Variants in GALK2 observed in about 807,000 individuals in gnomAD.
GALK2 encodes galactokinase 2, also known as N-acetylgalactosamine kinase.
GALK2 carries 36 observed loss-of-function variants against 52.4 expected under a neutral mutation model. That is an observed-to-expected ratio of 0.69 (90% CI 0.53 to 0.91). GALK2 has a LOEUF of 0.91. Among genes scored for constraint, GALK2 ranks in the 40% least tolerant of loss-of-function variants. GALK2 has a pLI of 0.00. For missense variants in GALK2, 579 were observed against 559.1 expected, an observed-to-expected ratio of 1.04 and a Z score of -0.36; for synonymous variants, 176 against 199.1, an observed-to-expected ratio of 0.88 and a Z score of 0.98.
At chr15:49,324,554 CAT>C (rs1411809678) in intron 9 of GALK2, among the ~76,000 whole-genome samples, 25 of 152,112 alleles carry the variant, frequency 1.6e-4, no homozygotes, top group African/African-American at 5.6e-4. Flanking sequence ...CTAAAGTAGA[CAT>C]GTGGGCATAT....
chr15:49,260,325 T>C (rs2092039245), intron 5 of GALK2, among the ~76,000 whole-genome samples: 1 of 152,206 alleles, frequency 6.6e-6, no homozygotes, highest in Admixed American at 6.5e-5. Context: ...ATTCCTCTGA[T>C]GGCCAATTTC....
At chr15:49,180,604 G>A (rs1445484316) in intron 1 of GALK2, among the ~76,000 whole-genome samples, 1 of 152,140 alleles carries the variant, frequency 6.6e-6, no homozygotes, top group African/African-American at 2.4e-5. Flanking sequence ...TCCATTGCCT[G>A]TATGTTAAAA....
At chr15:49,181,430 G>A (rs973932569) in intron 1 of GALK2, among the ~76,000 whole-genome samples, 1 of 150,840 alleles carries the variant, frequency 6.6e-6, no homozygotes, top group African/African-American at 2.4e-5. Flanking sequence ...TAAGGCCAAG[G>A]ATTCTTATTC....
In GALK2 at chr15:49,251,613, G is replaced by T. The variant is rs563281440; in HGVS notation, c.504+12246G>T. Among the ~76,000 whole-genome samples the T allele has an allele frequency of 2.6e-5, 4 of 152,252 alleles. No homozygotes were observed. The South Asian group carries it at 8.3e-4, about 32-fold the overall frequency. ...GTTGTAGAGCAGATCTCTAGAGCTT[G>T]TCCAGCTTGTTTGACTGAAGCTTTA... On this transcript the variant is annotated intron_variant, in intron 5 of 9. Transcript: ENST00000560031.
chr15:49,216,957 G>A (rs2141380491), intron 2 of GALK2, among the ~76,000 whole-genome samples: 1 of 152,172 alleles, frequency 6.6e-6, no homozygotes, highest in Non-Finnish European at 1.5e-5. Context: ...TGATTTTCAG[G>A]TACTCACCTG....
intron 1 of GALK2, among the ~76,000 whole-genome samples, chr15:49,186,157 T>C (rs1462278207): frequency 6.6e-6 from 1 of 152,212 alleles, no homozygotes; most frequent in African/African-American, 2.4e-5. Context: ...TCTCTAGGTT[T>C]ATAAAGTTCT....
intron 5 of GALK2, among the ~76,000 whole-genome samples, chr15:49,260,313 G>A (rs1254827869): frequency 3.3e-5 from 5 of 152,160 alleles, no homozygotes; most frequent in Admixed American, 2.6e-4. Context: ...GTTTTGATTT[G>A]CATTCCTCTG....
chr15:49,268,089 C>A (rs2092416433), intron 5 of GALK2, among the ~76,000 whole-genome samples: 3 of 152,220 alleles, frequency 2.0e-5, no homozygotes, highest in Middle Eastern at 6.8e-3. Context: ...TTCATTTGTT[C>A]ATTCATTCAT....
chr15:49,182,881 G>T (rs2086077063), intron 1 of GALK2, among the ~76,000 whole-genome samples: 1 of 151,856 alleles, frequency 6.6e-6, no homozygotes, highest in South Asian at 2.1e-4. Context: ...ACATTTTCTG[G>T]TTTTTAATCC....
intron 1 of GALK2, among the ~76,000 whole-genome samples, chr15:49,197,609 A>C (rs2087351133): frequency 6.6e-6 from 1 of 152,144 alleles, no homozygotes; most frequent in South Asian, 2.1e-4. Flanking sequence ...TTATTTATGA[A>C]AGTTTGTGTT....
At chr15:49,319,153 C>T (rs1259497413) in intron 8 of GALK2, 2 of 359,162 alleles carry the variant, frequency 5.6e-6, no homozygotes, top group Non-Finnish European at 1.1e-5. Context: ...GGGTTTTCAC[C>T]ATGTTGGTCA....
chr15:49,290,169 A>G (rs1184284916), intron 7 of GALK2, among the ~76,000 whole-genome samples: 4 of 152,216 alleles, frequency 2.6e-5, no homozygotes, highest in African/African-American at 9.6e-5. Flanking sequence ...GTCTTTGAAC[A>G]ATGGTGATCT....
At chr15:49,327,655 C>T (rs2037758594) in intron 9 of GALK2, 1 of 217,420 alleles carries the variant, frequency 4.6e-6, no homozygotes, top group East Asian at 9.7e-5. Context: ...CTTCAAGTGG[C>T]TACTTTATGG....
rs3075099 is a variant in GALK2, at chr15:49,210,973, T to TCACACACACACACACA, written c.143-6199_143-6184dup. On this transcript the variant is annotated intron_variant, in intron 2 of 9. Transcript: ENST00000560031. The stretch of plus-strand genomic sequence containing the variant: ...TGTTGGCTGTCACACACACACACAC[T>TCACACACACACACACA]CACACACACACACACACACACACAC... 2.8e-3 allele frequency among the ~76,000 whole-genome samples: 411 copies of TCACACACACACACACA among 146,646 alleles called. 4 individuals carry two copies. The highest frequency in any genetic ancestry group is 8.8e-3 in the African/African-American group (347 of 39,560).
rs1373753629 is a variant in GALK2, at chr15:49,367,383, A to G, written c.427-108A>G. ...AATTTGTTTCTCAATTGAGACATTC[A>G]GTGAAATGTTTTGAATATTATTTTT... On this transcript the variant is annotated intron_variant, in intron 3 of 3. Coordinates refer to the GALK2 transcript ENST00000558399. 3.2e-5 allele frequency: 42 copies of G among 1,324,798 alleles called. 1 individual carries two copies. Among genetic ancestry groups the G allele is most frequent in the Non-Finnish European group, 4.2e-5 (41 of 987,646 alleles). 82.1% of individuals were successfully genotyped at this position (1,324,798 alleles called of 1,614,324 possible).
At chr15:49,287,489 A>G (rs2033492451) in intron 7 of GALK2, among the ~76,000 whole-genome samples, 1 of 151,062 alleles carries the variant, frequency 6.6e-6, no homozygotes, top group Non-Finnish European at 1.5e-5. Flanking sequence ...TTAGGAATAT[A>G]GGCTGGAATT....
intron 3 of GALK2, among the ~76,000 whole-genome samples, chr15:49,218,150 C>T (rs938216093): frequency 2.6e-5 from 4 of 152,116 alleles, no homozygotes; most frequent in Admixed American, 6.5e-5. Context: ...TTCATGTATT[C>T]GGAAAATATT....
intron 3 of GALK2, among the ~76,000 whole-genome samples, chr15:49,346,948 GT>G (rs755694082): frequency 1.3e-5 from 2 of 152,080 alleles, no homozygotes; most frequent in Admixed American, 6.5e-5. Flanking sequence ...TAGATTTGTA[GT>G]TTACCCAACA....
intron 3 of GALK2, among the ~76,000 whole-genome samples, chr15:49,358,946 T>C (rs1596498411): frequency 1.4e-5 from 2 of 147,680 alleles, no homozygotes; most frequent in South Asian, 2.2e-4. Context: ...TATCTACAAC[T>C]ATCTGATCTT....
Sources: gnomAD v4.1 joint callset for allele counts (sites outside exome capture counted in the v4.1 genomes callset) on GRCh38, gnomAD v4.1.1 for gene constraint, MANE v1.5 for transcripts, NCBI Gene and HGNC (gene_info 2026-07-23, HGNC 2026-07-21) for gene names.